COA3: variants seen among roughly 807,000 people sequenced by gnomAD.
COA3 encodes cytochrome c oxidase assembly factor 3.
Under a neutral mutation model 10.1 loss-of-function variants are expected in COA3, and 10 were observed. The ratio of observed to expected loss-of-function variants is 0.99; its 90% CI spans 0.61 to 1.67. COA3 has a LOEUF of 1.67. COA3 is among the 40% of genes most tolerant of loss of function. The probability of loss-of-function intolerance (pLI) is 0.00; values close to 1 mark genes in which losing one functional copy is unlikely to be tolerated. For missense variants in COA3, 142 were observed against 140.7 expected, an observed-to-expected ratio of 1.01 and a Z score of -0.05; for synonymous variants, 57 against 63.1, an observed-to-expected ratio of 0.90 and a Z score of 0.46.
rs776777944 is a variant in COA3 at position 42,798,497 on chromosome 17, A to G, written c.185T>C (p.Leu62Pro). The change falls in exon 1 of 2, where the codon CTA (leucine) becomes CCA (proline). Residue 62 changes from leucine to proline, a missense_variant. Leu to Pro is a moderately conservative substitution (Grantham distance 98). Coordinates refer to ENST00000328434, the MANE Select transcript of COA3 (RefSeq NM_001040431.3). ...RRRTRNIVTG[L>P]GIGALVLAIY... ...AGCCAACACCAGGGCCCCGATGCCT[A>G]GGCCGGTCACGATGTTCCGGGTTCG... is the stretch of plus-strand genomic sequence containing the variant. 2 of 1,613,624 alleles carry G rather than the reference A, an allele frequency of 1.2e-6. No individual in the cohort carries two copies. The highest frequency in any genetic ancestry group is 1.3e-5 in the African/African-American group (1 of 74,930).
In COA3 at chr17:42,798,101, G is replaced by C; in HGVS notation, c.281C>G (p.Ala94Gly). 3 of 1,614,156 alleles carry C rather than the reference G, an allele frequency of 1.9e-6. No individual in the cohort carries two copies. In the South Asian group the frequency reaches 3.3e-5, roughly 18 times the overall value. ...CCTTGCCAGAGCTCGGGCTCGGGCA[G>C]CTTTGGCCTCGTCTTCTAGCTCATC... ...FLDELEDEAK[A>G]ARARALARAS... Residue 94 changes from alanine to glycine, a missense_variant, in exon 2 of 2, where the codon GCT (alanine) becomes GGT (glycine). Transcript: ENST00000328434.
intron 1 of COA3, 78 bp downstream of exon 1, chr17:42,798,390 G>A (rs1227223505): frequency 2.8e-6 from 4 of 1,416,824 alleles, no homozygotes; most frequent in Admixed American, 3.7e-5. Context: ...AAATTAAACG[G>A]GTGGTTCAGC....
intron 1 of COA3, 92 bp from the exon 2 acceptor site, chr17:42,798,259 G>A: frequency 1.9e-6 from 2 of 1,037,462 alleles, no homozygotes; most frequent in Admixed American, 2.1e-5. Context: ...CCAAATCAGT[G>A]ATTCCGGCTT....
chr17:42,798,220 A>G, intron 1 of COA3, 53 bp from the exon 2 acceptor site: 3 of 1,314,832 alleles, frequency 2.3e-6, no homozygotes, highest in Non-Finnish European at 3.3e-6. Context: ...CCCCTTTCCT[A>G]GATTTGCTCT....
Position 42,797,751 on chromosome 17 carries a change from G to A in COA3, c.*310C>T. On this transcript the variant is annotated 3_prime_UTR_variant, in exon 2 of 2. Transcript: ENST00000328434. ...CGTAACAACTGCGTCCCTGGAAGGT[G>A]AAGGGGGTAAACCACAAAGTCAGAA... 3.8e-6 allele frequency: 1 copy of A among 265,704 alleles called. No individual in the cohort carries two copies. Among genetic ancestry groups the A allele is most frequent in the Non-Finnish European group, 7.2e-6 (1 of 138,380 alleles). 16.5% of individuals were successfully genotyped at this position (265,704 alleles called of 1,614,324 possible).
In COA3 at chr17:42,798,097, G is replaced by A; in HGVS notation, c.285C>T (p.Ala95=). Residue 95 remains alanine (A), a synonymous_variant, in exon 2 of 2, where the codon GCC becomes GCT. Transcript: ENST00000328434. ...LDELEDEAKA[A]RARALARASG... Reference sequence around the variant, plus strand: ...ACGCCCTTGCCAGAGCTCGGGCTCGGGCAGCTTTGGCCTCGTCTTCTAGCT... The same window carrying A: ...ACGCCCTTGCCAGAGCTCGGGCTCGAGCAGCTTTGGCCTCGTCTTCTAGCT... 1 of 1,614,108 alleles carries A rather than the reference G, an allele frequency of 6.2e-7. No individual in the cohort carries two copies. The highest frequency in any genetic ancestry group is 1.1e-5 in the South Asian group (1 of 91,078).
Position 42,798,698 on chromosome 17 carries a change from TCG to T in COA3, c.-19_-18del, listed in dbSNP as rs761892823. 5.0e-6 allele frequency: 8 copies of T among 1,606,114 alleles called. No homozygotes were observed. The highest frequency in any genetic ancestry group is 1.7e-5 in the Admixed American group (1 of 59,666). On this transcript the variant is annotated 5_prime_UTR_variant, in exon 1 of 2. Transcript: ENST00000328434. ...AGACGCCATGTTGCCACTCCTCCCTTCGCGGTGCCGCCGCGCGGGCCTCGCTG... is the reference window on the plus strand; with the variant it reads ...AGACGCCATGTTGCCACTCCTCCCTTCGGTGCCGCCGCGCGGGCCTCGCTG...
At chr17:42,798,412 C>T in intron 1 of COA3, 56 bp downstream of exon 1, 1 of 1,573,282 alleles carries the variant, frequency 6.4e-7, no homozygotes, top group East Asian at 2.2e-5. Flanking sequence ...CTCTTGCACA[C>T]TCTGTTCCCC....
At chr17:42,798,207 A>C (rs774136755) in intron 1 of COA3, 40 bp from the exon 2 acceptor site, 2 of 1,387,948 alleles carry the variant, frequency 1.4e-6, no homozygotes, top group African/African-American at 2.8e-5. Context: ...GAATATGCAC[A>C]TTCCCCTTTC....
intron 1 of COA3, 73 bp downstream of exon 1, chr17:42,798,395 T>C: frequency 1.3e-6 from 2 of 1,481,564 alleles, no homozygotes; most frequent in East Asian, 2.3e-5. Context: ...AAACGGGTGG[T>C]TCAGCCCTCT....
In COA3 at chr17:42,798,690, T is replaced by C. The variant is rs201424419; in HGVS notation, c.-9A>G. The C allele has an allele frequency of 1.2e-6, 2 of 1,608,224 alleles. No homozygotes were observed. Among genetic ancestry groups the C allele is most frequent in the Non-Finnish European group, 1.7e-6 (2 of 1,175,936 alleles). ...GCTCCCGAAGACGCCATGTTGCCAC[T>C]CCTCCCTTCGCGGTGCCGCCGCGCG... On this transcript the variant is annotated 5_prime_UTR_variant, in exon 1 of 2. Transcript: ENST00000328434.
In COA3 at chr17:42,797,917, G is replaced by C. The variant is rs537401870; in HGVS notation, c.*144C>G. On this transcript the variant is annotated 3_prime_UTR_variant, in exon 2 of 2. Transcript: ENST00000328434. ...ACATTGGCCAAATGCGTAAGTCCCT[G>C]GTTTCTTGGGCTCAATCACGGTCCA... 32 of 608,492 alleles carry C rather than the reference G, an allele frequency of 5.3e-5. No individual in the cohort carries two copies. The African/African-American group carries it at 5.7e-4, about 11-fold the overall frequency. The allele number at this position is 608,492 out of a possible 1,614,324, so 37.7% of individuals were successfully genotyped here.
Position 42,797,883 on chromosome 17 carries a change from GTTCTT to G in COA3, c.*173_*177del. On this transcript the variant is annotated 3_prime_UTR_variant, in exon 2 of 2. Transcript: ENST00000328434. ...GCAAGTGTGCAGTGGGCAAAGTTCTGTTCTTTTGACATTGGCCAAATGCGTAAGTC... is the reference window on the plus strand; with the variant it reads ...GCAAGTGTGCAGTGGGCAAAGTTCTGTTGACATTGGCCAAATGCGTAAGTC... 1 of 569,872 alleles carries G rather than the reference GTTCTT, an allele frequency of 1.8e-6. No homozygotes were observed. The highest frequency in any genetic ancestry group is 2.9e-5 in the East Asian group (1 of 34,870). 35.3% of individuals were successfully genotyped at this position (569,872 alleles called of 1,614,324 possible).
Position 42,798,158 on chromosome 17 carries a change from G to C in COA3, c.224C>G (p.Thr75Ser). The C allele has an allele frequency of 6.2e-7, 1 of 1,613,232 alleles. No homozygotes were observed. Among genetic ancestry groups the C allele is most frequent in the Non-Finnish European group, 8.5e-7 (1 of 1,179,266 alleles). ...GALVLAIYGY[T>S]FYSISQERFL... is the part of the protein sequence containing the mutation. ...ACGCTCCTGGGAAATCGAGTAGAAG[G>C]TGTAACCATCTGGGGAGGTAGGTTC... Residue 75 changes from threonine to serine, a missense_variant, in exon 2 of 2, where the codon ACC becomes AGC. Coordinates refer to ENST00000328434, the MANE Select transcript of COA3 (RefSeq NM_001040431.3).
chr17:42,798,336 G>T, intron 1 of COA3, 132 bp downstream of exon 1: 1 of 1,003,520 alleles, frequency 1.0e-6, no homozygotes, highest in Non-Finnish European at 1.5e-6. Context: ...AATTAAAAGA[G>T]TACCTTAGGA....
intron 1 of COA3, 71 bp downstream of exon 1, chr17:42,798,397 C>G: frequency 1.3e-6 from 2 of 1,489,442 alleles, no homozygotes; most frequent in Non-Finnish European, 1.8e-6. Context: ...ACGGGTGGTT[C>G]AGCCCTCTTG....
rs2054704831 is a variant in COA3, at chr17:42,798,087, C to G, written c.295G>C (p.Ala99Pro). The change falls in exon 2 of 2, where the codon GCT (alanine) becomes CCT (proline). Residue 99 changes from alanine (A) to proline (P), a missense_variant. Physicochemically the swap from Ala to Pro is conservative, Grantham distance 27. Transcript: ENST00000328434. ...TAGGACCCTGACGCCCTTGCCAGAG[C>G]TCGGGCTCGGGCAGCTTTGGCCTCG... The part of the protein sequence containing the change: ...EDEAKAARAR[A>P]LARASGS 4 of 1,614,142 alleles carry G rather than the reference C, an allele frequency of 2.5e-6. No homozygotes were observed. Among genetic ancestry groups the G allele is most frequent in the Non-Finnish European group, 3.4e-6 (4 of 1,179,996 alleles).
Position 42,797,991 on chromosome 17 carries a change from A to G in COA3, c.*70T>C. The G allele has an allele frequency of 9.9e-7, 1 of 1,008,596 alleles. No homozygotes were observed. 62.5% of individuals were successfully genotyped at this position (1,008,596 alleles called of 1,614,324 possible). A position where few individuals can be genotyped will look rare whatever the true frequency, so the allele number is the denominator to read the frequency against. ...GTTGTGAGCAGGATTCAATTTCTAC[A>G]GGGTCATGGGGCATCATCCACCATG... is the stretch of plus-strand genomic sequence containing the variant. On this transcript the variant is annotated 3_prime_UTR_variant, in exon 2 of 2. Coordinates refer to ENST00000328434, the MANE Select transcript of COA3 (RefSeq NM_001040431.3).
rs776630418 is a variant in COA3 at position 42,798,032 on chromosome 17, AG to A, written c.*28del. 2.8e-5 allele frequency: 41 copies of A among 1,464,900 alleles called. No individual in the cohort carries two copies. The highest frequency in any genetic ancestry group is 3.8e-5 in the Non-Finnish European group (40 of 1,046,344). 90.7% of individuals were successfully genotyped at this position (1,464,900 alleles called of 1,614,324 possible). The stretch of plus-strand genomic sequence containing the variant: ...ATCCACCATGTGAAGGGGCTCCAGC[AG>A]GTTGGACATGATCAATACCCATCCA... On this transcript the variant is annotated 3_prime_UTR_variant, in exon 2 of 2. Transcript: ENST00000328434.
Sources: gnomAD v4.1 joint callset for allele counts on GRCh38, gnomAD v4.1.1 for gene constraint, MANE v1.5 for transcripts, NCBI Gene and HGNC (gene_info 2026-07-23, HGNC 2026-07-21) for gene names.